Variants in SH3GL2 observed in about 807,000 individuals in gnomAD.
The protein encoded by SH3GL2 is SH3 domain containing GRB2 like 2, endophilin A1.
Under a neutral mutation model 46.0 loss-of-function variants are expected in SH3GL2, and 24 were observed. The observed-to-expected ratio is 0.52, with a 90% confidence interval of 0.38 to 0.73. SH3GL2 has a LOEUF of 0.73. SH3GL2 is among the 30% of genes least tolerant of loss of function. The pLI, the probability that SH3GL2 is intolerant of heterozygous loss-of-function variation, is 0.00. For synonymous variants in SH3GL2, 196 were observed against 147.1 expected (o/e 1.33, Z -2.40); for missense variants, 413 against 424.2 (o/e 0.97, Z 0.23).
chr9:17,640,330 T>A (rs1001626769), intron 1 of SH3GL2, among the ~76,000 whole-genome samples: 5 of 152,304 alleles, frequency 3.3e-5, no homozygotes, highest in Admixed American at 3.3e-4. Flanking sequence ...ATTATATGAC[T>A]AGAGAATTTG....
chr9:17,658,598 C>T (rs1399412345), intron 1 of SH3GL2, among the ~76,000 whole-genome samples: 3 of 152,204 alleles, frequency 2.0e-5, no homozygotes, highest in Non-Finnish European at 2.9e-5. Context: ...GTGAGATTTC[C>T]TCTAGCAATT....
intron 1 of SH3GL2, among the ~76,000 whole-genome samples, chr9:17,597,534 CT>C (rs1818597057): frequency 6.6e-6 from 1 of 151,718 alleles, no homozygotes; most frequent in Non-Finnish European, 1.5e-5. Context: ...AAAAAAATTA[CT>C]ATATAACAAT....
At chr9:17,603,851 G>A (rs1818713956) in intron 1 of SH3GL2, among the ~76,000 whole-genome samples, 1 of 152,106 alleles carries the variant, frequency 6.6e-6, no homozygotes, top group South Asian at 2.1e-4. Flanking sequence ...GGCAACAAGA[G>A]CGAAACTCCG....
At chr9:17,619,675 C>G (rs7869979) in intron 1 of SH3GL2, among the ~76,000 whole-genome samples, 11,712 of 150,780 alleles carry the variant, frequency 0.078, 902 homozygotes, top group African/African-American at 0.21. Context: ...GAAACTCCAT[C>G]TCAAAAAAAA....
intron 1 of SH3GL2, among the ~76,000 whole-genome samples, chr9:17,710,861 T>C (rs1410840129): frequency 6.6e-6 from 1 of 151,968 alleles, no homozygotes; most frequent in African/African-American, 2.4e-5. Context: ...AAATCCCCAA[T>C]GTATGCCTGA....
intron 3 of SH3GL2, among the ~76,000 whole-genome samples, chr9:17,773,740 C>A (rs556446788): frequency 6.6e-6 from 1 of 151,994 alleles, no homozygotes; most frequent in East Asian, 1.9e-4. Context: ...AGGTGTGAGT[C>A]TTCTAGCTTT....
At chr9:17,761,235 A>G (rs1823161102) in intron 2 of SH3GL2, among the ~76,000 whole-genome samples, 1 of 152,192 alleles carries the variant, frequency 6.6e-6, no homozygotes, top group African/African-American at 2.4e-5. Flanking sequence ...TCTTTGGATA[A>G]ACGGGCTTTC....
At chr9:17,653,031 C>G (rs907835836) in intron 1 of SH3GL2, among the ~76,000 whole-genome samples, 1 of 152,084 alleles carries the variant, frequency 6.6e-6, no homozygotes, top group Admixed American at 6.5e-5. Context: ...CATTTTATCC[C>G]TCTGTGACAT....
At chr9:17,682,594 A>C (rs1329566683) in intron 1 of SH3GL2, among the ~76,000 whole-genome samples, 1 of 151,982 alleles carries the variant, frequency 6.6e-6, no homozygotes, top group Non-Finnish European at 1.5e-5. Context: ...AGGATGGGTC[A>C]ATAGGTGCAG....
chr9:17,795,398 G>C, intron 8 of SH3GL2, 146 bp from the exon 9 acceptor site: 2 of 635,754 alleles, frequency 3.1e-6, no homozygotes, highest in Non-Finnish European at 5.6e-6. Context: ...AGGTCCAGTA[G>C]CAAGAAGAAG....
intron 1 of SH3GL2, among the ~76,000 whole-genome samples, chr9:17,740,809 A>T (rs921741245): frequency 6.6e-6 from 1 of 152,142 alleles, no homozygotes; most frequent in East Asian, 1.9e-4. Flanking sequence ...GACAGTTGAC[A>T]AAGTGCTTTT....
intron 1 of SH3GL2, among the ~76,000 whole-genome samples, chr9:17,601,193 G>A (rs1818664164): frequency 6.6e-6 from 1 of 151,904 alleles, no homozygotes. Flanking sequence ...ATTTCTTTTT[G>A]GTTGCTGAAG....
intron 1 of SH3GL2, among the ~76,000 whole-genome samples, chr9:17,602,130 AAGAGTGACAATC>A (rs1289256937): frequency 2.6e-5 from 4 of 152,192 alleles, no homozygotes; most frequent in African/African-American, 9.6e-5. Flanking sequence ...GAAAAGACTG[AAGAGTGACAATC>A]AGACGTCTTT....
In SH3GL2 at chr9:17,790,703, G is replaced by C. The variant is rs548575113; in HGVS notation, c.625-528G>C. On this transcript the variant is annotated intron_variant, in intron 6 of 8. Coordinates refer to ENST00000380607, the MANE Select transcript of SH3GL2 (RefSeq NM_003026.5). ...AAGCTTAGAATATTAGAGCAAGAAT[G>C]AACTCAAGATGTCACTTGATTTAAC... Among the ~76,000 whole-genome samples the C allele has an allele frequency of 2.6e-5, 4 of 152,252 alleles. No homozygotes were observed. In the East Asian group the frequency reaches 5.8e-4, roughly 22 times the overall value.
At chr9:17,717,693 A>G (rs185611340) in intron 1 of SH3GL2, among the ~76,000 whole-genome samples, 11 of 152,252 alleles carry the variant, frequency 7.2e-5, no homozygotes, top group African/African-American at 2.4e-4. Context: ...AATTGCTAAC[A>G]GAAGTATGCC....
chr9:17,651,157 T>C (rs925769572), intron 1 of SH3GL2, among the ~76,000 whole-genome samples: 5 of 152,204 alleles, frequency 3.3e-5, no homozygotes, highest in Admixed American at 3.3e-4. Flanking sequence ...GGGTAAACTT[T>C]CAGCTTTTGC....
At chr9:17,783,454 A>G (rs1823869556) in intron 3 of SH3GL2, among the ~76,000 whole-genome samples, 1 of 151,384 alleles carries the variant, frequency 6.6e-6, no homozygotes, top group Non-Finnish European at 1.5e-5. Context: ...GTCAGAGGAA[A>G]ATAACTCAGG....
chr9:17,721,572 T>C (rs1216463480), intron 1 of SH3GL2, among the ~76,000 whole-genome samples: 1 of 152,076 alleles, frequency 6.6e-6, no homozygotes, highest in Admixed American at 6.6e-5. Flanking sequence ...TTCTGGTAAT[T>C]TTTTTGGAAA....
At position 17,736,456 on chromosome 9, in the gene SH3GL2, A is replaced by T. The variant is rs75843861; in HGVS notation, c.46-10610A>T. 2.8e-3 allele frequency among the ~76,000 whole-genome samples: 428 copies of T among 152,134 alleles called. 4 individuals are homozygous for T. Among genetic ancestry groups the T allele is most frequent in the African/African-American group, 8.0e-3 (331 of 41,514 alleles). On this transcript the variant is annotated intron_variant, in intron 1 of 8. Coordinates refer to ENST00000380607, the MANE Select transcript of SH3GL2 (RefSeq NM_003026.5). ...GCCCCCTGGTTGTCCATCCACTTTC[A>T]TGACTACCTCTGCAGTCTCTTCATA...
Sources: gnomAD v4.1 joint callset for allele counts (sites outside exome capture counted in the v4.1 genomes callset) on GRCh38, gnomAD v4.1.1 for gene constraint, MANE v1.5 for transcripts, NCBI Gene and HGNC (gene_info 2026-07-23, HGNC 2026-07-21) for gene names.